Variants in MSRA observed in about 807,000 individuals in gnomAD.
MSRA encodes the protein mitochondrial peptide methionine sulfoxide reductase.
A neutral mutation model predicts 31.3 loss-of-function variants in MSRA; 54 were observed. The ratio of observed to expected loss-of-function variants is 1.73; its 90% CI spans 1.39 to 2.17. The LOEUF (loss-of-function observed/expected upper bound fraction) is 2.17, where lower values mean the gene tolerates loss of function less well. Ranked by LOEUF, MSRA falls within the 30% of genes most tolerant of loss-of-function variation. The pLI is 0.00. For synonymous variants in MSRA, 169 were observed against 116.5 expected, an observed-to-expected ratio of 1.45 and a Z score of -2.90; for missense variants, 507 against 300.9, an observed-to-expected ratio of 1.69 and a Z score of -5.07.
chr8:10,380,017 AATC>A (rs1377661157), intron 5 of MSRA, among the ~76,000 whole-genome samples: 4 of 152,204 alleles, frequency 2.6e-5, no homozygotes, highest in Non-Finnish European at 5.9e-5. Context: ...ACCTAATCAC[AATC>A]AACAACAGAA....
At chr8:10,307,457 C>T (rs562194430) in intron 4 of MSRA, among the ~76,000 whole-genome samples, 4 of 152,272 alleles carry the variant, frequency 2.6e-5, no homozygotes, top group South Asian at 2.1e-4. Flanking sequence ...GTGGCCACTG[C>T]GCCCAGCTGG....
intron 4 of MSRA, 112 bp from the exon 5 acceptor site, chr8:10,319,771 C>T: frequency 2.0e-6 from 1 of 497,076 alleles, no homozygotes; most frequent in Admixed American, 4.3e-5. Flanking sequence ...AGCAACACAT[C>T]AGGCACAGGG....
At chr8:10,070,271 T>C (rs1390262414) in intron 1 of MSRA, among the ~76,000 whole-genome samples, 1 of 152,226 alleles carries the variant, frequency 6.6e-6, no homozygotes, top group Middle Eastern at 3.2e-3. Context: ...GGTTATGGTA[T>C]TGTTAGTTCT....
intron 3 of MSRA, among the ~76,000 whole-genome samples, chr8:10,251,567 G>C (rs982538220): frequency 4.6e-5 from 7 of 152,124 alleles, no homozygotes; most frequent in East Asian, 1.9e-4. Flanking sequence ...CTTGTAGCAG[G>C]CAGGATAAAA....
intron 5 of MSRA, among the ~76,000 whole-genome samples, chr8:10,396,665 A>G (rs1807116051): frequency 6.6e-6 from 1 of 152,188 alleles, no homozygotes; most frequent in Non-Finnish European, 1.5e-5. Context: ...CTGTTGAATA[A>G]TCTTGTCTCT....
chr8:10,097,724 A>T (rs1224155341), intron 1 of MSRA, among the ~76,000 whole-genome samples: 1 of 152,146 alleles, frequency 6.6e-6, no homozygotes, highest in Non-Finnish European at 1.5e-5. Context: ...CTCAGAACAA[A>T]CTTATATCCA....
At chr8:10,212,685 C>G (rs545499777) in intron 2 of MSRA, among the ~76,000 whole-genome samples, 1 of 152,100 alleles carries the variant, frequency 6.6e-6, no homozygotes, top group African/African-American at 2.4e-5. Context: ...CTAATACTTT[C>G]CAGGGATGTA....
intron 3 of MSRA, 83 bp from the exon 4 acceptor site, chr8:10,301,451 C>G: frequency 9.7e-7 from 1 of 1,032,606 alleles, no homozygotes; most frequent in Non-Finnish European, 1.5e-6. Flanking sequence ...CAGCTTTTGT[C>G]TGTTGTTTTT....
chr8:10,221,195 G>A (rs1349885799), intron 2 of MSRA, among the ~76,000 whole-genome samples: 3 of 152,178 alleles, frequency 2.0e-5, no homozygotes, highest in Admixed American at 6.5e-5. Flanking sequence ...CAAGACATAG[G>A]TCTGCAGTGA....
At chr8:10,076,098 T>G (rs1395772510) in intron 1 of MSRA, among the ~76,000 whole-genome samples, 2 of 152,220 alleles carry the variant, frequency 1.3e-5, no homozygotes, top group African/African-American at 4.8e-5. Context: ...TTACTGGCTG[T>G]GTGACCTTGG....
intron 1 of MSRA, among the ~76,000 whole-genome samples, chr8:10,071,760 C>A (rs373424980): frequency 6.6e-6 from 1 of 152,056 alleles, no homozygotes; most frequent in East Asian, 1.9e-4. Context: ...TGTTCAGTTC[C>A]AAGGGAAGGC....
At chr8:10,225,281 C>G (rs1003018370) in intron 2 of MSRA, among the ~76,000 whole-genome samples, 1 of 152,234 alleles carries the variant, frequency 6.6e-6, no homozygotes, top group Admixed American at 6.5e-5. Flanking sequence ...CTGTGACTTT[C>G]CTCAGTCCTT....
chr8:10,136,514 A>G (rs994425405), intron 1 of MSRA, among the ~76,000 whole-genome samples: 6 of 152,224 alleles, frequency 3.9e-5, no homozygotes, highest in Admixed American at 3.9e-4. Context: ...GTATGGAATC[A>G]TATGTCTTGA....
At chr8:10,151,758 C>T (rs549588007) in intron 1 of MSRA, among the ~76,000 whole-genome samples, 9 of 152,116 alleles carry the variant, frequency 5.9e-5, no homozygotes, top group Non-Finnish European at 1.0e-4. Flanking sequence ...TGAAGGAAAG[C>T]GATGGTGAGA....
intron 1 of MSRA, among the ~76,000 whole-genome samples, chr8:10,085,369 C>G (rs1021143114): frequency 1.3e-5 from 2 of 152,186 alleles, no homozygotes; most frequent in Admixed American, 1.3e-4. Flanking sequence ...TTCCTCCAAA[C>G]TTTGTCGTGC....
chr8:10,257,413 A>G (rs1798240855), intron 3 of MSRA, among the ~76,000 whole-genome samples: 1 of 151,982 alleles, frequency 6.6e-6, no homozygotes, highest in African/African-American at 2.4e-5. Flanking sequence ...CATTTAGTTT[A>G]TTTATTTTTT....
At chr8:10,287,496 A>G (rs949911350) in intron 3 of MSRA, among the ~76,000 whole-genome samples, 3 of 152,158 alleles carry the variant, frequency 2.0e-5, no homozygotes, top group African/African-American at 7.2e-5. Context: ...CAAGTCAGGA[A>G]AAGTCCAGTG....
intron 1 of MSRA, among the ~76,000 whole-genome samples, chr8:10,097,661 C>T (rs1012162617): frequency 6.6e-6 from 1 of 151,912 alleles, no homozygotes; most frequent in Non-Finnish European, 1.5e-5. Flanking sequence ...TCCATTTTTT[C>T]TTGAAGTTAA....
intron 3 of MSRA, among the ~76,000 whole-genome samples, chr8:10,284,201 T>A (rs992284687): frequency 6.6e-6 from 1 of 152,142 alleles, no homozygotes; most frequent in Non-Finnish European, 1.5e-5. Flanking sequence ...ATTATTACTT[T>A]TTTTTGAGAC....
Sources: allele counts gnomAD v4.1 joint callset (sites outside exome capture counted in the v4.1 genomes callset), GRCh38; gene constraint gnomAD v4.1.1; transcripts MANE v1.5; gene names NCBI Gene and HGNC (gene_info 2026-07-23, HGNC 2026-07-21).